Variants in KANSL1L observed in about 807,000 individuals in gnomAD.
KANSL1L encodes the protein KAT8 regulatory NSL complex subunit 1-like protein.
In KANSL1L, 25 loss-of-function variants were observed where a neutral mutation model predicts 108.6. That is an observed-to-expected ratio of 0.23 (90% CI 0.17 to 0.32). The LOEUF is 0.32. Ranked by LOEUF, KANSL1L falls within the 10% of genes least tolerant of loss-of-function variation. The pLI is 1.00. For synonymous variants in KANSL1L, 405 were observed against 395.1 expected (o/e 1.03, Z -0.30); for missense variants, 1,137 against 1,125.7 (o/e 1.01, Z -0.14).
At chr2:210,098,028 AATAAG>A (rs1252154126) in intron 5 of KANSL1L, 53 bp downstream of exon 5, 2 of 1,468,510 alleles carry the variant, frequency 1.4e-6, no homozygotes, top group African/African-American at 2.9e-5. Flanking sequence ...ACAAAATCAA[AATAAG>A]ATAAAATAGG....
In KANSL1L at chr2:210,021,782, A is replaced by G. The variant is rs943879876; in HGVS notation, c.*1167T>C. 2 of 151,970 alleles carry G rather than the reference A, an allele frequency of 1.3e-5. No individual in the cohort carries two copies. The highest frequency in any genetic ancestry group is 2.9e-5 in the Non-Finnish European group (2 of 67,926). The allele number at this position is 151,970 out of a possible 1,614,324, so 9.4% of individuals were successfully genotyped here. On this transcript the variant is annotated 3_prime_UTR_variant, in exon 15 of 15. Transcript: ENST00000281772. Reference sequence around the variant, plus strand: ...TCCTCAACTTTCACATAGGAAAAAAATGGTTTAATAGCTTCAAAAGGAATT... The same window carrying G: ...TCCTCAACTTTCACATAGGAAAAAAGTGGTTTAATAGCTTCAAAAGGAATT...
chr2:210,145,912 T>C (rs977287244), intron 2 of KANSL1L, among the ~76,000 whole-genome samples: 1 of 151,874 alleles, frequency 6.6e-6, no homozygotes, highest in Non-Finnish European at 1.5e-5. Flanking sequence ...TATGGGGCAG[T>C]GGAAGCTCTG....
At chr2:210,145,748 T>C (rs545464105) in intron 2 of KANSL1L, among the ~76,000 whole-genome samples, 1 of 152,182 alleles carries the variant, frequency 6.6e-6, no homozygotes, top group East Asian at 1.9e-4. Context: ...ATGCAGCCAA[T>C]GTTCATAGCA....
intron 3 of KANSL1L, among the ~76,000 whole-genome samples, chr2:210,121,411 C>A (rs779241373): frequency 6.6e-6 from 1 of 152,108 alleles, no homozygotes; most frequent in Non-Finnish European, 1.5e-5. Flanking sequence ...AACCAAATAT[C>A]GCATGTTCTC....
upstream of KANSL1L, chr2:210,171,782 G>C (rs994902412): frequency 3.9e-5 from 6 of 152,070 alleles, no homozygotes; most frequent in Non-Finnish European, 5.9e-5. Flanking sequence ...TCCGCGCCGG[G>C]GCCTCGACTA....
At chr2:210,051,190 C>T (rs1487545334) in intron 6 of KANSL1L, among the ~76,000 whole-genome samples, 1 of 152,150 alleles carries the variant, frequency 6.6e-6, no homozygotes, top group Admixed American at 6.5e-5. Flanking sequence ...TTCCCACATA[C>T]TTTATAACTG....
chr2:210,084,757 G>A (rs1164153672), intron 5 of KANSL1L, among the ~76,000 whole-genome samples: 1 of 152,096 alleles, frequency 6.6e-6, no homozygotes, highest in Non-Finnish European at 1.5e-5. Flanking sequence ...GGGACTACAG[G>A]TATGTGCCAC....
At chr2:210,027,477 T>C in intron 11 of KANSL1L, 127 bp from the exon 12 acceptor site, 1 of 628,836 alleles carries the variant, frequency 1.6e-6, no homozygotes, top group Non-Finnish European at 2.9e-6. Flanking sequence ...TGTATTTTAA[T>C]ACTTAATTTT....
At chr2:210,111,539 A>G (rs1281849577) in intron 3 of KANSL1L, among the ~76,000 whole-genome samples, 4 of 152,134 alleles carry the variant, frequency 2.6e-5, no homozygotes, top group Non-Finnish European at 5.9e-5. Flanking sequence ...GGTTATAGAA[A>G]TGTCCTACAT....
chr2:210,045,059 T>TG (rs2125199463), intron 6 of KANSL1L, among the ~76,000 whole-genome samples: 1 of 152,286 alleles, frequency 6.6e-6, no homozygotes, highest in South Asian at 2.1e-4. Context: ...TGTGAGTCAC[T>TG]GCACCTGGCC....
chr2:210,055,458 G>A (rs2094339873), intron 6 of KANSL1L, among the ~76,000 whole-genome samples: 1 of 152,128 alleles, frequency 6.6e-6, no homozygotes, highest in South Asian at 2.1e-4. Flanking sequence ...CAGTTTAGAG[G>A]GCCCAGAAGA....
At chr2:210,150,380 T>C (rs1235507261) in intron 2 of KANSL1L, among the ~76,000 whole-genome samples, 3 of 152,254 alleles carry the variant, frequency 2.0e-5, no homozygotes, top group Non-Finnish European at 2.9e-5. Flanking sequence ...TTTCTGTATA[T>C]GTTTTACACA....
In KANSL1L at chr2:210,021,839, T is replaced by G. The variant is rs1022849584; in HGVS notation, c.*1110A>C. 1 of 151,704 alleles carries G rather than the reference T, an allele frequency of 6.6e-6. No individual in the cohort carries two copies. Among genetic ancestry groups the G allele is most frequent in the Non-Finnish European group, 1.5e-5 (1 of 67,874 alleles). The allele number at this position is 151,704 out of a possible 1,614,324, so 9.4% of individuals were successfully genotyped here. On this transcript the variant is annotated 3_prime_UTR_variant, in exon 15 of 15. Coordinates refer to ENST00000281772, the MANE Select transcript of KANSL1L (RefSeq NM_152519.4). ...CATGTATACTCTTCAGTATCCAATA[T>G]TGAAGCTTTGTTCTTTGAAAAATTT...
intron 3 of KANSL1L, among the ~76,000 whole-genome samples, chr2:210,126,998 A>C (rs1460800166): frequency 3.3e-5 from 5 of 152,102 alleles, no homozygotes; most frequent in Non-Finnish European, 5.9e-5. Flanking sequence ...GTTCAAGACC[A>C]GCCTGGTCTT....
At chr2:210,121,450 G>A (rs1374350418) in intron 3 of KANSL1L, among the ~76,000 whole-genome samples, 2 of 152,068 alleles carry the variant, frequency 1.3e-5, no homozygotes, top group Admixed American at 6.5e-5. Flanking sequence ...AATGATGAGA[G>A]AACATGAACA....
chr2:210,170,760 A>C (rs1688286510), intron 1 of KANSL1L: 1 of 152,264 alleles, frequency 6.6e-6, no homozygotes, highest in African/African-American at 2.4e-5. Context: ...TCAGCCGATG[A>C]GGCAAGAGGC....
At chr2:210,118,107 A>G (rs2094973370) in intron 3 of KANSL1L, among the ~76,000 whole-genome samples, 1 of 148,690 alleles carries the variant, frequency 6.7e-6, no homozygotes, top group Non-Finnish European at 1.5e-5. Flanking sequence ...CAGAGGTTGC[A>G]GTGAGGTGAG....
At chr2:210,028,589 G>GATA (rs746900650) in intron 11 of KANSL1L, 27 of 317,958 alleles carry the variant, frequency 8.5e-5, no homozygotes, top group South Asian at 1.4e-4. Context: ...GATAACACTG[G>GATA]ATAATAATAA....
At chr2:210,165,218 G>A (rs1481624068) in intron 1 of KANSL1L, among the ~76,000 whole-genome samples, 1 of 150,932 alleles carries the variant, frequency 6.6e-6, no homozygotes, top group African/African-American at 2.4e-5. Flanking sequence ...AAATTCCTTA[G>A]CACATCAGCA....
Sources: gnomAD v4.1 joint callset for allele counts (sites outside exome capture counted in the v4.1 genomes callset) on GRCh38, gnomAD v4.1.1 for gene constraint, MANE v1.5 for transcripts, NCBI Gene and HGNC (gene_info 2026-07-23, HGNC 2026-07-21) for gene names.